DPPA4: variants seen among roughly 807,000 people sequenced by gnomAD.
DPPA4 encodes developmental pluripotency associated 4.
In DPPA4, 22 loss-of-function variants were observed where a neutral mutation model predicts 33.7. The observed-to-expected ratio is 0.65, with a 90% CI of 0.47 to 0.93. The LOEUF (loss-of-function observed/expected upper bound fraction) is 0.93. DPPA4 is among the 40% of genes least tolerant of loss of function. The pLI is 0.00. For synonymous variants in DPPA4, 156 were observed against 132.3 expected, an observed-to-expected ratio of 1.18 and a Z score of -1.23; for missense variants, 340 against 358.6, an observed-to-expected ratio of 0.95 and a Z score of 0.42.
chr3:109,338,109 G>A (rs1034742965), upstream of DPPA4, among the ~76,000 whole-genome samples: 2 of 152,010 alleles, frequency 1.3e-5, no homozygotes, highest in South Asian at 2.1e-4. Flanking sequence ...TTTGTAGAGG[G>A]CAAGTGGGGG....
At chr3:109,339,343 G>C (rs1049918027), upstream of DPPA4, among the ~76,000 whole-genome samples, 1 of 152,148 alleles carries the variant, frequency 6.6e-6, no homozygotes, top group African/African-American at 2.4e-5. Context: ...GGGCAATAAC[G>C]TTAGGTCTCT....
intron 2 of DPPA4, among the ~76,000 whole-genome samples, chr3:109,332,608 A>G (rs1181709309): frequency 6.6e-6 from 1 of 152,082 alleles, no homozygotes; most frequent in Non-Finnish European, 1.5e-5. Flanking sequence ...GATCATACTC[A>G]GTGGTGTCCT....
upstream of DPPA4, among the ~76,000 whole-genome samples, chr3:109,339,250 T>C (rs992370724): frequency 8.6e-5 from 13 of 150,640 alleles, no homozygotes; most frequent in African/African-American, 3.2e-4. Context: ...CCAGGCCAGA[T>C]TGATTCATTT....
At chr3:109,331,646 T>C in intron 4 of DPPA4, 88 bp downstream of exon 4, 3 of 1,143,180 alleles carry the variant, frequency 2.6e-6, no homozygotes, top group Non-Finnish European at 3.8e-6. Flanking sequence ...AGGAACAAGG[T>C]GAGGCTAAGA....
intron 2 of DPPA4, 121 bp downstream of exon 2, chr3:109,333,749 G>A (rs1708133808): frequency 1.7e-6 from 2 of 1,198,312 alleles, no homozygotes. Flanking sequence ...TGGCTTCCAT[G>A]AAGTGCAGGA....
chr3:109,330,924 A>T, intron 4 of DPPA4, 112 bp from the exon 5 acceptor site: 1 of 983,306 alleles, frequency 1.0e-6, no homozygotes, highest in South Asian at 1.7e-5. Context: ...ACTAGGTTCA[A>T]GAGATCTATT....
At position 109,327,965 on chromosome 3, in the gene DPPA4, G is replaced by T; in HGVS notation, c.*23C>A. 3.9e-6 allele frequency: 6 copies of T among 1,521,646 alleles called. No homozygotes were observed. Among genetic ancestry groups the T allele is most frequent in the Non-Finnish European group, 4.6e-6 (5 of 1,097,418 alleles). 94.3% of individuals were successfully genotyped at this position (1,521,646 alleles called of 1,614,324 possible). On this transcript the variant is annotated 3_prime_UTR_variant, in exon 7 of 7. Coordinates refer to ENST00000335658, the MANE Select transcript of DPPA4 (RefSeq NM_018189.4). ...AGCTTTTCTGCCATTAATTACCATA[G>T]ATGTGGCCTTTTTCCTGATATTCTA...
chr3:109,329,461 G>A lies in DPPA4; in HGVS notation c.680-373C>T, dbSNP rs369000489. The A allele has an allele frequency of 6.5e-4, 128 of 195,694 alleles. 1 individual carries two copies. The East Asian group carries it at 0.01, about 16-fold the overall frequency. The allele number at this position is 195,694 out of a possible 1,614,324, so 12.1% of individuals were successfully genotyped here. On this transcript the variant is annotated intron_variant, in intron 5 of 6. Transcript: ENST00000335658. ...GAGGCAGGAGAATGGCGTGAACCCG[G>A]GAGGCGGTGCTTGCAGTGAGCCAAG...
chr3:109,331,138 C>T (rs545514799), intron 4 of DPPA4, among the ~76,000 whole-genome samples: 62 of 151,264 alleles, frequency 4.1e-4, no homozygotes, highest in Admixed American at 2.3e-3. Flanking sequence ...ATTATCCAGG[C>T]ATGGTGGCTC....
At chr3:109,333,847 T>G (rs1708137032) in intron 2 of DPPA4, 23 bp downstream of exon 2, 1 of 1,610,456 alleles carries the variant, frequency 6.2e-7, no homozygotes, top group African/African-American at 1.3e-5. Context: ...AAGGTGGGAT[T>G]TGAGAATTTG....
chr3:109,333,724 G>GT, intron 2 of DPPA4, 146 bp downstream of exon 2: 2 of 897,956 alleles, frequency 2.2e-6, no homozygotes, highest in Non-Finnish European at 1.7e-6. Context: ...CTTCAGGAAG[G>GT]TAACAGTTTA....
intron 2 of DPPA4, 146 bp downstream of exon 2, chr3:109,333,724 G>T: frequency 2.2e-6 from 2 of 897,956 alleles, no homozygotes; most frequent in Non-Finnish European, 3.4e-6. Flanking sequence ...CTTCAGGAAG[G>T]TAACAGTTTA....
At chr3:109,331,564 A>AAAAAAAAAAAAG (rs1559708949) in intron 4 of DPPA4, among the ~76,000 whole-genome samples, 170 bp downstream of exon 4, 1 of 106,092 alleles carries the variant, frequency 9.4e-6, no homozygotes, top group Admixed American at 1.2e-4. Flanking sequence ...AAAAAAAAAA[A>AAAAAAAAAAAAG]AAAGAAAGAA....
intron 1 of DPPA4, among the ~76,000 whole-genome samples, chr3:109,334,789 C>T (rs1708157416): frequency 1.3e-5 from 2 of 152,110 alleles, no homozygotes; most frequent in South Asian, 4.1e-4. Context: ...TAATTCCTTT[C>T]CTTTCCAAAG....
chr3:109,329,050 C>T lies in DPPA4; in HGVS notation c.718G>A (p.Ala240Thr). ...WCVVHGKSLP[A>T]DTDGWVHLQF... ...AGGTGAACCCAACCATCTGTGTCTG[C>T]AGGGAGACTTTTCCCATGGACCACA... The change falls in exon 6 of 7, where the codon GCA (alanine) becomes ACA (threonine). Residue 240 changes from alanine (A) to threonine (T), a missense_variant. Ala to Thr is a moderately conservative substitution (Grantham distance 58). This residue lies in a region of DPPA4 where 212 missense variants were observed against 206.5 expected (regional missense o/e 1.03). Transcript: ENST00000335658. 6.2e-7 allele frequency: 1 copy of T among 1,614,044 alleles called. No individual in the cohort carries two copies. The highest frequency in any genetic ancestry group is 8.5e-7 in the Non-Finnish European group (1 of 1,180,036).
intron 5 of DPPA4, chr3:109,329,319 A>C: frequency 2.1e-6 from 1 of 475,622 alleles, no homozygotes; most frequent in Admixed American, 3.6e-5. Context: ...GTGGATCACG[A>C]GGTCAGGAGA....
rs998435732 is a variant in DPPA4 at position 109,326,217 on chromosome 3, G to T, written c.*1771C>A. ...TTGAAATGTGTTAGAAGCAGGGGAAGTATCTACAAGCAGAATCGTAAAGCC... is the reference window on the plus strand; with the variant it reads ...TTGAAATGTGTTAGAAGCAGGGGAATTATCTACAAGCAGAATCGTAAAGCC... On this transcript the variant is annotated 3_prime_UTR_variant, in exon 7 of 7. Coordinates refer to ENST00000335658, the MANE Select transcript of DPPA4 (RefSeq NM_018189.4). The T allele has an allele frequency of 1.3e-5, 2 of 152,000 alleles. No individual in the cohort carries two copies. Among genetic ancestry groups the T allele is most frequent in the African/African-American group, 4.8e-5 (2 of 41,354 alleles). 9.4% of individuals were successfully genotyped at this position (152,000 alleles called of 1,614,324 possible).
At chr3:109,334,094 C>T in intron 1 of DPPA4, 101 bp from the exon 2 acceptor site, 1 of 1,234,856 alleles carries the variant, frequency 8.1e-7, no homozygotes, top group Non-Finnish European at 1.1e-6. Flanking sequence ...AACGCAGTTA[C>T]TGGACTCCAC....
chr3:109,332,243 A>C (rs1470345966), intron 2 of DPPA4: 1 of 347,260 alleles, frequency 2.9e-6, no homozygotes, highest in African/African-American at 2.1e-5. Flanking sequence ...CTGGGATTAC[A>C]GACGCCCACC....
Sources: allele counts gnomAD v4.1 joint callset (sites outside exome capture counted in the v4.1 genomes callset), GRCh38; gene constraint gnomAD v4.1.1; regional missense constraint gnomAD v4.1.1; transcripts MANE v1.5; gene names NCBI Gene and HGNC (gene_info 2026-07-23, HGNC 2026-07-21).